NYNRIN: variants seen among roughly 807,000 people sequenced by gnomAD.
NYNRIN encodes the protein NYN domain and retroviral integrase containing.
In NYNRIN, 86 loss-of-function variants were observed where a neutral mutation model predicts 146.6. The observed-to-expected ratio is 0.59, with a 90% confidence interval of 0.49 to 0.70. The LOEUF is 0.70. Ranked by LOEUF, NYNRIN falls within the 30% of genes least tolerant of loss-of-function variation. The probability of loss-of-function intolerance (pLI) is 0.00; values close to 1 mark genes in which losing one functional copy is unlikely to be tolerated. For synonymous variants in NYNRIN, 1,027 were observed against 1,001.3 expected (o/e 1.03, Z -0.48); for missense variants, 2,191 against 2,377.7 (o/e 0.92, Z 1.63).
rs549665030 is a variant in NYNRIN at position 24,417,131 on chromosome 14, G to T, written c.5382G>T (p.Val1794=). 5.6e-6 allele frequency: 9 copies of T among 1,613,942 alleles called. No individual in the cohort carries two copies. Among genetic ancestry groups the T allele is most frequent in the Non-Finnish European group, 7.6e-6 (9 of 1,179,832 alleles). The change falls in exon 9 of 9, where the codon GTG becomes GTT. Residue 1794 remains valine (V), a synonymous_variant. Coordinates refer to ENST00000382554, the MANE Select transcript of NYNRIN (RefSeq NM_025081.3). ...TGGACGTCTTCCTGCTACAGCTGGT[G>T]GGGGAGCTGCTGGAGCTCCACTGGA... is the stretch of plus-strand genomic sequence containing the variant. ...LKMDVFLLQL[V]GELLELHWRV...
Position 24,417,288 on chromosome 14 carries a change from G to T in NYNRIN, c.5539G>T (p.Val1847Leu), listed in dbSNP as rs555050238. 1 of 1,613,900 alleles carries T rather than the reference G, an allele frequency of 6.2e-7. No individual in the cohort carries two copies. Among genetic ancestry groups the T allele is most frequent in the Non-Finnish European group, 8.5e-7 (1 of 1,179,884 alleles). ...LPRNGSSAKW[V>L]GPFYIGDRLS... is the part of the protein sequence containing the mutation. ...CAGGAATGGCAGCAGTGCCAAATGG[G>T]TGGGTCCCTTCTATATCGGGGACCG... The change falls in exon 9 of 9, where the codon GTG becomes TTG. Residue 1847 changes from valine (V) to leucine (L), a missense_variant. Around this residue, in one of 3 missense-constraint regions of NYNRIN, gnomAD observed 1,291 missense variants for 1,417.0 expected, o/e 0.91. Coordinates refer to ENST00000382554, the MANE Select transcript of NYNRIN (RefSeq NM_025081.3).
rs941370469 is a variant in NYNRIN, at chr14:24,411,660, C to A, written c.2642+210C>A. ...GCTTGAGGTTGGCTCTCCCCAAGCC[C>A]GGAGTTGTTTCTGACTTTGGGACTC... On this transcript the variant is annotated intron_variant, in intron 6 of 8. Coordinates refer to ENST00000382554, the MANE Select transcript of NYNRIN (RefSeq NM_025081.3). The surrounding 1 kb of genome is among the most constrained non-coding windows in gnomAD (Gnocchi z 4.3). Among the ~76,000 whole-genome samples, 1 of 152,174 alleles carries A rather than the reference C, an allele frequency of 6.6e-6. No individual in the cohort carries two copies. The highest frequency in any genetic ancestry group is 2.4e-5 in the African/African-American group (1 of 41,440).
intron 4 of NYNRIN, among the ~76,000 whole-genome samples, chr14:24,410,584 A>C (rs1157718438): frequency 6.6e-6 from 1 of 152,228 alleles, no homozygotes; most frequent in Non-Finnish European, 1.5e-5. Flanking sequence ...CCAAACTTCA[A>C]GGCCCAGCAC....
chr14:24,414,837 G>C lies in NYNRIN; in HGVS notation c.3088G>C (p.Glu1030Gln), dbSNP rs747458117. 1 of 1,613,340 alleles carries C rather than the reference G, an allele frequency of 6.2e-7. No homozygotes were observed. The highest frequency in any genetic ancestry group is 8.5e-7 in the Non-Finnish European group (1 of 1,179,526). Reference sequence around the variant, plus strand: ...TTCGCTGGCGTCAGTGTTCAGGGTGGAGTGCCCGTCCCTTTCGGAGGAGAT... The same window carrying C: ...TTCGCTGGCGTCAGTGTTCAGGGTGCAGTGCCCGTCCCTTTCGGAGGAGAT... ...DSSLASVFRVECPSLSEEILR... is the reference protein window; with the variant it reads ...DSSLASVFRVQCPSLSEEILR... The change falls in exon 9 of 9, where the codon GAG (glutamate) becomes CAG (glutamine). Residue 1030 changes from glutamate to glutamine, a missense_variant. Physicochemically the swap from Glu to Gln is conservative, Grantham distance 29 (BLOSUM62 2). Transcript: ENST00000382554.
rs767081979 is a variant in NYNRIN, at chr14:24,411,249, G to A, written c.2545+43G>A. ...TGCCCAGCCTCCACAGTGTCACCAA[G>A]CTTTCTTCTCTCTGCCTTGCTGCCC... On this transcript the variant is annotated intron_variant, in intron 5 of 8. Transcript: ENST00000382554. This position sits in a 1 kb window ranked among gnomAD's most constrained non-coding sequence, Gnocchi z 4.3. 17 of 1,611,368 alleles carry A rather than the reference G, an allele frequency of 1.1e-5. No homozygotes were observed. In the Middle Eastern group the frequency reaches 6.6e-4, roughly 63 times the overall value.
chr14:24,415,507 C>T lies in NYNRIN; in HGVS notation c.3758C>T (p.Ala1253Val). ...EVREGRRVSK[A>V]WLIRWSLLVQ... The stretch of plus-strand genomic sequence containing the variant: ...CGGGAGGGCCGCAGGGTTTCCAAAG[C>T]TTGGTTGATCCGATGGTCCCTCTTG... The change falls in exon 9 of 9, where the codon GCT becomes GTT. Residue 1253 changes from alanine to valine, a missense_variant. This residue lies in a region of NYNRIN where 1,291 missense variants were observed against 1,417.0 expected (regional missense o/e 0.91). Coordinates refer to ENST00000382554, the MANE Select transcript of NYNRIN (RefSeq NM_025081.3). 1 of 1,613,856 alleles carries T rather than the reference C, an allele frequency of 6.2e-7. No homozygotes were observed. The highest frequency in any genetic ancestry group is 1.1e-5 in the South Asian group (1 of 91,076).
Position 24,414,833 on chromosome 14 carries a change from G to A in NYNRIN, c.3084G>A (p.Arg1028=). ...DLDSSLASVF[R]VECPSLSEEI... is the part of the protein sequence containing the mutation. ...ACTCTTCGCTGGCGTCAGTGTTCAGGGTGGAGTGCCCGTCCCTTTCGGAGG... is the reference window on the plus strand; with the variant it reads ...ACTCTTCGCTGGCGTCAGTGTTCAGAGTGGAGTGCCCGTCCCTTTCGGAGG... The change falls in exon 9 of 9, where the codon AGG becomes AGA. Residue 1028 remains arginine, a synonymous_variant. Transcript: ENST00000382554. 1.2e-6 allele frequency: 2 copies of A among 1,613,428 alleles called. No individual in the cohort carries two copies. Among genetic ancestry groups the A allele is most frequent in the Non-Finnish European group, 1.7e-6 (2 of 1,179,586 alleles).
Position 24,417,462 on chromosome 14 carries a change from G to C in NYNRIN, c.*16G>C. The C allele has an allele frequency of 6.9e-7, 1 of 1,455,312 alleles. No homozygotes were observed. 90.1% of individuals were successfully genotyped at this position (1,455,312 alleles called of 1,614,324 possible). A position where few individuals can be genotyped will look rare whatever the true frequency, so the allele number is the denominator to read the frequency against. ...GGAGCAGTGAGCGGGAGCAGCGGGG[G>C]TGCCCCCTGCCCCAGGGCCGTGGGT... On this transcript the variant is annotated 3_prime_UTR_variant, in exon 9 of 9. Coordinates refer to ENST00000382554, the MANE Select transcript of NYNRIN (RefSeq NM_025081.3).
rs2042890195 is a variant in NYNRIN, at chr14:24,408,503, A to G, written c.833A>G (p.Gln278Arg). Residue 278 changes from glutamine (Q) to arginine (R), a missense_variant, in exon 3 of 9, where the codon CAG becomes CGG. Coordinates refer to ENST00000382554, the MANE Select transcript of NYNRIN (RefSeq NM_025081.3). ...CTGATCACAGCCCAGAGCACACCGC[A>G]GGAGGCAGCAAACCAGCTGGTACGG... Reference protein sequence around the residue: ...GSLITAQSTPQEAANQLVRVG... With the variant: ...GSLITAQSTPREAANQLVRVG... 1 of 1,584,190 alleles carries G rather than the reference A, an allele frequency of 6.3e-7. No individual in the cohort carries two copies. Among genetic ancestry groups the G allele is most frequent in the Non-Finnish European group, 8.6e-7 (1 of 1,164,792 alleles).
At position 24,402,628 on chromosome 14, in the gene NYNRIN, C is replaced by T. The variant is rs76997518; in HGVS notation, c.198+3184C>T. On this transcript the variant is annotated intron_variant, in intron 2 of 8. Transcript: ENST00000382554. ...TCCTATGGACCCACTGTTAAAATTTCGGGAATTGTGCAAGTGAGTGGAGGA... is the reference window on the plus strand; with the variant it reads ...TCCTATGGACCCACTGTTAAAATTTTGGGAATTGTGCAAGTGAGTGGAGGA... 1.9e-3 allele frequency among the ~76,000 whole-genome samples: 287 copies of T among 152,184 alleles called. 2 individuals are homozygous for T. Among genetic ancestry groups the T allele is most frequent in the African/African-American group, 6.6e-3 (272 of 41,526 alleles).
At chr14:24,414,546 G>T in intron 8 of NYNRIN, 50 bp from the exon 9 acceptor site, 1 of 1,529,544 alleles carries the variant, frequency 6.5e-7, no homozygotes, top group South Asian at 1.3e-5. Flanking sequence ...CCCTTTGGAG[G>T]ATTGCTCACG....
intron 4 of NYNRIN, 147 bp from the exon 5 acceptor site, chr14:24,410,929 G>A (rs1329891721): frequency 4.3e-6 from 4 of 939,956 alleles, no homozygotes; most frequent in Non-Finnish European, 4.8e-6. Flanking sequence ...GCACCAAGTA[G>A]GTGCTCACAG....
Position 24,399,257 on chromosome 14 carries a change from C to G in NYNRIN, c.11C>G (p.Ser4Cys), listed in dbSNP as rs1477235934. 1 of 1,613,690 alleles carries G rather than the reference C, an allele frequency of 6.2e-7. No individual in the cohort carries two copies. Among genetic ancestry groups the G allele is most frequent in the Non-Finnish European group, 8.5e-7 (1 of 1,179,862 alleles). Reference protein sequence around the residue: MLLSGGDPPAQEWF... With the variant: MLLCGGDPPAQEWF... ...GCGGGCGGGGCAGCCATGCTCCTGT[C>G]TGGGGGCGATCCTCCGGCGCAGGAA... is the stretch of plus-strand genomic sequence containing the variant. The change falls in exon 2 of 9, where the codon TCT becomes TGT. Residue 4 changes from serine to cysteine, a missense_variant. Physicochemically the swap from Ser to Cys is moderately radical, Grantham distance 112. Coordinates refer to ENST00000382554, the MANE Select transcript of NYNRIN (RefSeq NM_025081.3).
rs762912198 is a variant in NYNRIN at position 24,408,324 on chromosome 14, G to C, written c.654G>C (p.Pro218=). The change falls in exon 3 of 9, where the codon CCG becomes CCC. Residue 218 remains proline (P), a synonymous_variant. Transcript: ENST00000382554. ...RFGISDSHSD[P]EVLICPPQQQ... ...GCATCTCTGACTCCCACTCCGATCC[G>C]GAGGTTCTAATCTGCCCTCCCCAGC... 1 of 1,613,666 alleles carries C rather than the reference G, an allele frequency of 6.2e-7. No individual in the cohort carries two copies. Among genetic ancestry groups the C allele is most frequent in the Non-Finnish European group, 8.5e-7 (1 of 1,179,890 alleles).
chr14:24,408,552 C>T (rs760517526), intron 3 of NYNRIN, 25 bp downstream of exon 3: 3 of 1,546,100 alleles, frequency 1.9e-6, no homozygotes, highest in Admixed American at 2.0e-5. Context: ...ATGAGCCTGG[C>T]TTCTCTGATC....
Position 24,408,446 on chromosome 14 carries a change from A to T in NYNRIN, c.776A>T (p.Lys259Met), listed in dbSNP as rs144241777. ...TLQNRGPENSKRLSSLGATGS... is the reference protein window; with the variant it reads ...TLQNRGPENSMRLSSLGATGS... ...CAGAACAGGGGCCCAGAAAATTCAAAGAGATTATCTAGCCTGGGAGCCACT... is the reference window on the plus strand; with the variant it reads ...CAGAACAGGGGCCCAGAAAATTCAATGAGATTATCTAGCCTGGGAGCCACT... Residue 259 changes from lysine (K) to methionine (M), a missense_variant, in exon 3 of 9, where the codon AAG becomes ATG. Physicochemically the swap from Lys to Met is moderately conservative, Grantham distance 95. This residue lies in a region of NYNRIN where 895 missense variants were observed against 941.2 expected (regional missense o/e 0.95). Coordinates refer to ENST00000382554, the MANE Select transcript of NYNRIN (RefSeq NM_025081.3). The T allele has an allele frequency of 3.3e-5, 53 of 1,612,962 alleles. No homozygotes were observed. The highest frequency in any genetic ancestry group is 5.0e-5 in the Admixed American group (3 of 59,918).
Position 24,399,250 on chromosome 14 carries a change from C to T in NYNRIN, c.4C>T (p.Leu2Phe), listed in dbSNP as rs1357325762. 1.9e-6 allele frequency: 3 copies of T among 1,613,432 alleles called. No individual in the cohort carries two copies. In the African/African-American group the frequency reaches 4.0e-5, roughly 22 times the overall value. Residue 2 changes from leucine (L) to phenylalanine (F), a missense_variant, in exon 2 of 9, where the codon CTC becomes TTC. This residue lies in a region of NYNRIN where 895 missense variants were observed against 941.2 expected (regional missense o/e 0.95). Coordinates refer to ENST00000382554, the MANE Select transcript of NYNRIN (RefSeq NM_025081.3). M[L>F]LSGGDPPAQE... Reference sequence around the variant, plus strand: ...TCCAGGAGCGGGCGGGGCAGCCATGCTCCTGTCTGGGGGCGATCCTCCGGC... The same window carrying T: ...TCCAGGAGCGGGCGGGGCAGCCATGTTCCTGTCTGGGGGCGATCCTCCGGC...
Position 24,409,104 on chromosome 14 carries a change from G to A in NYNRIN, c.1310G>A (p.Gly437Glu), listed in dbSNP as rs191695865. 1,189 of 1,613,818 alleles carry A rather than the reference G, an allele frequency of 7.4e-4. 5 individuals carry two copies. In the African/African-American group the frequency reaches 0.013, roughly 18 times the overall value. ...AESPAGRPDG[G>E]LGGEAALQNC... ...AGCCCAGCTGGTAGACCAGATGGGG[G>A]GCTGGGAGGAGAAGCAGCCCTGCAG... The change falls in exon 4 of 9, where the codon GGG (glycine) becomes GAG (glutamate). Residue 437 changes from glycine (G) to glutamate (E), a missense_variant. By Grantham distance (98) the Gly-to-Glu change is moderately conservative. This residue lies in a region of NYNRIN where 895 missense variants were observed against 941.2 expected (regional missense o/e 0.95). Transcript: ENST00000382554.
chr14:24,414,911 C>T lies in NYNRIN; in HGVS notation c.3162C>T (p.Ile1054=), dbSNP rs1052949659. ...ATCCCCCTGATGGGGCCCTGGACAT[C>T]GACCTCCTGCCAGGGGCAGCTTCTC... ...LHDPPDGALD[I]DLLPGAASPY... The change falls in exon 9 of 9, where the codon ATC becomes ATT. Residue 1054 remains isoleucine (I), a synonymous_variant. Coordinates refer to ENST00000382554, the MANE Select transcript of NYNRIN (RefSeq NM_025081.3). 1.7e-5 allele frequency: 27 copies of T among 1,603,398 alleles called. No individual in the cohort carries two copies. Among genetic ancestry groups the T allele is most frequent in the African/African-American group, 2.7e-5 (2 of 74,664 alleles).
Sources: gnomAD v4.1 joint callset for allele counts (sites outside exome capture counted in the v4.1 genomes callset) on GRCh38, gnomAD v4.1.1 for gene constraint, gnomAD v4.1.1 regional missense constraint, Gnocchi (gnomAD v3.1) non-coding constraint, MANE v1.5 for transcripts, NCBI Gene and HGNC (gene_info 2026-07-23, HGNC 2026-07-21) for gene names.